Variants in GOLM2 observed in about 807,000 individuals in gnomAD.
The protein encoded by GOLM2 is protein GOLM2.
Under a neutral mutation model 55.9 loss-of-function variants are expected in GOLM2, and 26 were observed. The observed-to-expected ratio is 0.47, with a 90% CI of 0.34 to 0.65. GOLM2 has a LOEUF of 0.65. Ranked by LOEUF, GOLM2 falls within the 30% of genes least tolerant of loss-of-function variation. GOLM2 has a pLI of 0.01. For synonymous variants in GOLM2, 165 were observed against 194.6 expected (o/e 0.85, Z 1.27); for missense variants, 486 against 531.8 (o/e 0.91, Z 0.85).
chr15:44,340,129 T>G (rs2079081402), intron 6 of GOLM2, among the ~76,000 whole-genome samples: 1 of 152,172 alleles, frequency 6.6e-6, no homozygotes, highest in Non-Finnish European at 1.5e-5. Context: ...GCCTATTTTC[T>G]TTATTTTTTT....
intron 1 of GOLM2, among the ~76,000 whole-genome samples, chr15:44,297,057 C>T (rs1417530835): frequency 6.6e-6 from 1 of 152,126 alleles, no homozygotes; most frequent in East Asian, 1.9e-4. Context: ...TAAATGATGC[C>T]CATGCAACTG....
chr15:44,369,182 A>T (rs1057433592), intron 6 of GOLM2, among the ~76,000 whole-genome samples: 1 of 122,438 alleles, frequency 8.2e-6, no homozygotes, highest in African/African-American at 3.5e-5. Flanking sequence ...ATCATTTTAG[A>T]TATGTGTGTG....
chr15:44,381,696 T>C (rs1048262244), intron 8 of GOLM2, among the ~76,000 whole-genome samples: 1 of 152,260 alleles, frequency 6.6e-6, no homozygotes, highest in Non-Finnish European at 1.5e-5. Context: ...CTTCTGTCTA[T>C]GGCAGCAACT....
At chr15:44,304,891 A>T (rs2078825977) in intron 1 of GOLM2, among the ~76,000 whole-genome samples, 1 of 152,218 alleles carries the variant, frequency 6.6e-6, no homozygotes, top group African/African-American at 2.4e-5. Context: ...CCACATCTGC[A>T]GTTACTTCCT....
intron 6 of GOLM2, among the ~76,000 whole-genome samples, chr15:44,344,860 C>G (rs2079113348): frequency 6.6e-6 from 1 of 150,466 alleles, no homozygotes; most frequent in South Asian, 2.1e-4. Flanking sequence ...TCACTGCAAG[C>G]TCTGCCTCCT....
chr15:44,337,943 A>C (rs1336643313), intron 5 of GOLM2, 36 bp downstream of exon 5: 3 of 1,543,494 alleles, frequency 1.9e-6, no homozygotes, highest in Non-Finnish European at 2.6e-6. Flanking sequence ...TTGTATTAAT[A>C]GGATATTGAC....
intron 9 of GOLM2, among the ~76,000 whole-genome samples, chr15:44,409,308 C>T (rs948359626): frequency 6.6e-6 from 1 of 150,530 alleles, no homozygotes; most frequent in African/African-American, 2.4e-5. Context: ...CAAAAAGTGG[C>T]TGGGCGCGGT....
chr15:44,357,529 T>C (rs1373713241), intron 6 of GOLM2, among the ~76,000 whole-genome samples: 2 of 152,164 alleles, frequency 1.3e-5, no homozygotes, highest in Admixed American at 1.3e-4. Context: ...CTTTTTAATA[T>C]TATACTGGAA....
intron 1 of GOLM2, among the ~76,000 whole-genome samples, chr15:44,302,179 C>G (rs1162883524): frequency 1.4e-5 from 2 of 146,888 alleles, no homozygotes; most frequent in Non-Finnish European, 3.0e-5. Context: ...GAGTCTTACT[C>G]TGTTGCCCAG....
At chr15:44,389,731 T>C (rs2079474947) in intron 8 of GOLM2, among the ~76,000 whole-genome samples, 1 of 152,188 alleles carries the variant, frequency 6.6e-6, no homozygotes, top group Non-Finnish European at 1.5e-5. Context: ...ACCCAGGTTG[T>C]ACTGCATTAG....
chr15:44,403,134 C>A, intron 9 of GOLM2, 80 bp downstream of exon 9: 1 of 1,531,858 alleles, frequency 6.5e-7, no homozygotes, highest in East Asian at 2.3e-5. Context: ...TAGAATTTCC[C>A]CCACTTATTA....
At chr15:44,389,944 T>G (rs1278050884) in intron 8 of GOLM2, 1 of 152,200 alleles carries the variant, frequency 6.6e-6, no homozygotes. Flanking sequence ...TGTCCCAAAG[T>G]GCTGGGACTA....
intron 1 of GOLM2, among the ~76,000 whole-genome samples, chr15:44,298,487 G>T (rs1268481388): frequency 1.3e-5 from 2 of 149,874 alleles, no homozygotes; most frequent in Admixed American, 1.3e-4. Flanking sequence ...CATTGGCCAG[G>T]CTGGTCTCGA....
chr15:44,390,979 A>G (rs2079484193), intron 8 of GOLM2, among the ~76,000 whole-genome samples: 1 of 152,200 alleles, frequency 6.6e-6, no homozygotes, highest in Non-Finnish European at 1.5e-5. Context: ...AAGCTGCAAC[A>G]TGAATTTTGG....
rs926379864 is a variant in GOLM2 at position 44,323,161 on chromosome 15, G to C, written c.382+142G>C. On this transcript the variant is annotated intron_variant, in intron 2 of 9. Coordinates refer to ENST00000299957, the MANE Select transcript of GOLM2 (RefSeq NM_138423.4). ...CTGATGGTAAAACATTTATCCTTTTGCCTTAAGATATAATAAATTATTTAA... is the reference window on the plus strand; with the variant it reads ...CTGATGGTAAAACATTTATCCTTTTCCCTTAAGATATAATAAATTATTTAA... The C allele has an allele frequency of 9.6e-6, 5 of 519,470 alleles. No homozygotes were observed. The Admixed American group carries it at 1.6e-4, about 16-fold the overall frequency. 32.2% of individuals were successfully genotyped at this position (519,470 alleles called of 1,614,324 possible).
chr15:44,338,242 A>G lies in GOLM2; in HGVS notation c.727A>G (p.Ile243Val), dbSNP rs78311684. ...SNHIPHGKEQ[I>V]KRGGDAGMPG... ...TCTTTTTGTTACTTGGGCAGAACAA[A>G]TCAAAAGAGGTGGTGATGCAGGGAT... The change falls in exon 6 of 10, where the codon ATC becomes GTC. Residue 243 changes from isoleucine to valine, a missense_variant. Coordinates refer to ENST00000299957, the MANE Select transcript of GOLM2 (RefSeq NM_138423.4). 1 of 1,613,346 alleles carries G rather than the reference A, an allele frequency of 6.2e-7. No individual in the cohort carries two copies. The highest frequency in any genetic ancestry group is 2.2e-5 in the East Asian group (1 of 44,830).
At chr15:44,340,928 TCTGATACATAG>T (rs1261818936) in intron 6 of GOLM2, among the ~76,000 whole-genome samples, 5 of 152,200 alleles carry the variant, frequency 3.3e-5, no homozygotes, top group Non-Finnish European at 5.9e-5. Flanking sequence ...ACTGCTGGTT[TCTGATACATAG>T]AAGCACTCTA....
At chr15:44,388,330 A>G (rs1432503350) in intron 8 of GOLM2, among the ~76,000 whole-genome samples, 1 of 150,122 alleles carries the variant, frequency 6.7e-6, no homozygotes, top group Non-Finnish European at 1.5e-5. Flanking sequence ...TTTGCTTTCC[A>G]TAGAGTAAAA....
Position 44,348,152 on chromosome 15 carries a change from T to C in GOLM2, c.802+9835T>C, listed in dbSNP as rs570660662. Among the ~76,000 whole-genome samples the C allele has an allele frequency of 3.3e-5, 5 of 152,258 alleles. No homozygotes were observed. The East Asian group carries it at 9.7e-4, about 29-fold the overall frequency. On this transcript the variant is annotated intron_variant, in intron 6 of 9. Coordinates refer to ENST00000299957, the MANE Select transcript of GOLM2 (RefSeq NM_138423.4). Reference sequence around the variant, plus strand: ...TAGCGACTGCAAGTAAAGACTCTGCTTAACAAAAGGAGAGGGAAGAATAAA... The same window carrying C: ...TAGCGACTGCAAGTAAAGACTCTGCCTAACAAAAGGAGAGGGAAGAATAAA...
Sources: allele counts gnomAD v4.1 joint callset (sites outside exome capture counted in the v4.1 genomes callset), GRCh38; gene constraint gnomAD v4.1.1; transcripts MANE v1.5; gene names NCBI Gene and HGNC (gene_info 2026-07-23, HGNC 2026-07-21).